Variants in STAC observed in about 807,000 individuals in gnomAD.
STAC encodes the protein SH3 and cysteine rich domain.
Under a neutral mutation model 48.8 loss-of-function variants are expected in STAC, and 43 were observed. That is an observed-to-expected ratio of 0.88 (90% CI 0.69 to 1.14). The LOEUF (loss-of-function observed/expected upper bound fraction) is 1.14, where lower values mean the gene tolerates loss of function less well. Ranked by LOEUF, STAC falls within the 50% of genes most tolerant of loss-of-function variation. The pLI is 0.00. For synonymous variants in STAC, 193 were observed against 179.5 expected, an observed-to-expected ratio of 1.07 and a Z score of -0.60; for missense variants, 497 against 504.0, an observed-to-expected ratio of 0.99 and a Z score of 0.13.
chr3:36,426,767 G>A (rs1195848300), intron 1 of STAC, among the ~76,000 whole-genome samples: 1 of 152,000 alleles, frequency 6.6e-6, no homozygotes, highest in East Asian at 1.9e-4. Flanking sequence ...TTATTAAGTG[G>A]GCTGAACTCA....
chr3:36,493,230 G>A lies in STAC; in HGVS notation c.766+1G>A, dbSNP rs1399158456. ...GACCTAAGGAAACGCAGCAACAGCG[G>A]TGAGTGAGGGAGTTGGCACAGCACA... On this transcript the variant is annotated splice_donor_variant, in intron 6 of 10. Coordinates refer to ENST00000273183, the MANE Select transcript of STAC (RefSeq NM_003149.3). LOFTEE classifies it high-confidence loss of function. 3.7e-6 allele frequency: 6 copies of A among 1,612,880 alleles called. No homozygotes were observed. The highest frequency in any genetic ancestry group is 5.1e-6 in the Non-Finnish European group (6 of 1,179,272).
At chr3:36,454,226 C>T (rs1696784949) in intron 2 of STAC, among the ~76,000 whole-genome samples, 1 of 152,164 alleles carries the variant, frequency 6.6e-6, no homozygotes, top group South Asian at 2.1e-4. Flanking sequence ...TTTGGGTCCA[C>T]ACTGCCCTTA....
intron 5 of STAC, among the ~76,000 whole-genome samples, chr3:36,491,821 C>T (rs1575236729): frequency 6.7e-6 from 1 of 150,350 alleles, no homozygotes; most frequent in Admixed American, 6.7e-5. Flanking sequence ...CGAGATAAGC[C>T]TGGCCAACAC....
At chr3:36,490,031 T>A (rs887831586) in intron 5 of STAC, among the ~76,000 whole-genome samples, 1 of 152,224 alleles carries the variant, frequency 6.6e-6, no homozygotes, top group African/African-American at 2.4e-5. Flanking sequence ...TCCAGGTGAT[T>A]CTGATGCACA....
In STAC at chr3:36,442,739, TACACACACACACACACACACACACACAC is replaced by T. The variant is rs10528748; in HGVS notation, c.112-589_112-562del. ...GGATAATACAATATGTCCTATGTCC[TACACACACACACACACACACACACACAC>T]ACACACACACACACACACACACACA... On this transcript the variant is annotated intron_variant, in intron 1 of 10. Transcript: ENST00000273183. Among the ~76,000 whole-genome samples, 429 of 133,322 alleles carry T rather than the reference TACACACACACACACACACACACACACAC, an allele frequency of 3.2e-3. 2 individuals carry two copies. Among genetic ancestry groups the T allele is most frequent in the Middle Eastern group, 0.015 (4 of 268 alleles). 87.5% of individuals were successfully genotyped at this position (133,322 alleles called of 152,430 possible).
chr3:36,413,202 A>G (rs1431656787), intron 1 of STAC, among the ~76,000 whole-genome samples: 1 of 152,218 alleles, frequency 6.6e-6, no homozygotes, highest in African/African-American at 2.4e-5. Context: ...CACTTGGTGC[A>G]GAGCTGAGTT....
chr3:36,467,477 CT>C (rs1348450487), intron 2 of STAC, among the ~76,000 whole-genome samples: 1 of 151,942 alleles, frequency 6.6e-6, no homozygotes, highest in African/African-American at 2.4e-5. Context: ...CGGTTCTGGA[CT>C]TTTTTTGTTG....
intron 10 of STAC, among the ~76,000 whole-genome samples, chr3:36,532,298 A>G (rs1252934649): frequency 2.0e-5 from 3 of 152,184 alleles, no homozygotes; most frequent in Admixed American, 6.5e-5. Flanking sequence ...GTTTTACTTG[A>G]AATTGACATA....
At chr3:36,430,642 A>G (rs1700679012) in intron 1 of STAC, among the ~76,000 whole-genome samples, 1 of 152,204 alleles carries the variant, frequency 6.6e-6, no homozygotes, top group South Asian at 2.1e-4. Flanking sequence ...ATGGAGCACT[A>G]TATTAATTTG....
At chr3:36,519,655 A>G (rs1390936821) in intron 8 of STAC, among the ~76,000 whole-genome samples, 1 of 152,246 alleles carries the variant, frequency 6.6e-6, no homozygotes, top group Non-Finnish European at 1.5e-5. Flanking sequence ...TCTACAGAGC[A>G]TGTTACTGAG....
intron 5 of STAC, among the ~76,000 whole-genome samples, chr3:36,490,020 C>T (rs2125704394): frequency 6.6e-6 from 1 of 152,320 alleles, no homozygotes; most frequent in South Asian, 2.1e-4. Context: ...TTAAAAACCC[C>T]TCCAGGTGAT....
In STAC at chr3:36,493,227, G is replaced by A. The variant is rs1386131950; in HGVS notation, c.764G>A (p.Ser255Asn). ...GGYDLRKRSN[S>N]VFTYPENGTD... ...TATGACCTAAGGAAACGCAGCAACAGCGGTGAGTGAGGGAGTTGGCACAGC... is the reference window on the plus strand; with the variant it reads ...TATGACCTAAGGAAACGCAGCAACAACGGTGAGTGAGGGAGTTGGCACAGC... The change falls in exon 6 of 11, where the codon AGC becomes AAC. Residue 255 changes from serine (S) to asparagine (N), a missense_variant and splice_region_variant. Physicochemically the swap from Ser to Asn is conservative, Grantham distance 46. Transcript: ENST00000273183. 6.2e-7 allele frequency: 1 copy of A among 1,613,156 alleles called. No individual in the cohort carries two copies.
intron 10 of STAC, among the ~76,000 whole-genome samples, chr3:36,538,548 A>G (rs751717236): frequency 1.3e-5 from 2 of 152,224 alleles, no homozygotes; most frequent in Non-Finnish European, 2.9e-5. Flanking sequence ...CGGAAAACAG[A>G]TCAAGACGTG....
At chr3:36,481,220 T>G (rs551385151) in intron 2 of STAC, among the ~76,000 whole-genome samples, 1 of 152,100 alleles carries the variant, frequency 6.6e-6, no homozygotes, top group Non-Finnish European at 1.5e-5. Flanking sequence ...GGCTAAAGCA[T>G]GGAGGGATTG....
At chr3:36,401,717 C>T (rs947088191) in intron 1 of STAC, among the ~76,000 whole-genome samples, 9 of 152,150 alleles carry the variant, frequency 5.9e-5, no homozygotes, top group African/African-American at 2.2e-4. Context: ...AAAGGGAAAT[C>T]GGAGCTCCTT....
intron 2 of STAC, among the ~76,000 whole-genome samples, chr3:36,464,540 C>T (rs1697111387): frequency 6.6e-6 from 1 of 152,098 alleles, no homozygotes; most frequent in Non-Finnish European, 1.5e-5. Flanking sequence ...GTACCTATTA[C>T]TTGAGCAGTG....
intron 8 of STAC, among the ~76,000 whole-genome samples, chr3:36,515,727 C>A (rs965929523): frequency 6.6e-6 from 1 of 152,056 alleles, no homozygotes; most frequent in African/African-American, 2.4e-5. Flanking sequence ...GGGATGCTTT[C>A]TAGTCTTGTC....
At chr3:36,411,976 G>A (rs1374450078) in intron 1 of STAC, among the ~76,000 whole-genome samples, 1 of 152,120 alleles carries the variant, frequency 6.6e-6, no homozygotes, top group Non-Finnish European at 1.5e-5. Context: ...GCATATATGT[G>A]CTATACCAGT....
intron 1 of STAC, among the ~76,000 whole-genome samples, chr3:36,427,943 C>T (rs770362510): frequency 7.9e-5 from 12 of 152,206 alleles, no homozygotes; most frequent in Non-Finnish European, 1.0e-4. Context: ...GAACATTCTA[C>T]GAGACAATTA....
Sources: gnomAD v4.1 joint callset for allele counts (sites outside exome capture counted in the v4.1 genomes callset) on GRCh38, gnomAD v4.1.1 for gene constraint, MANE v1.5 for transcripts, NCBI Gene and HGNC (gene_info 2026-07-23, HGNC 2026-07-21) for gene names.